TNS3: variants seen among roughly 807,000 people sequenced by gnomAD.
The protein encoded by TNS3 is tensin 3, also known as tensin-3.
In TNS3, 45 loss-of-function variants were observed where a neutral mutation model predicts 140.9. That is an observed-to-expected ratio of 0.32 (90% confidence interval 0.25 to 0.41). TNS3 has a LOEUF of 0.41. TNS3 is among the 10% of genes least tolerant of loss of function. The pLI is 1.00. For missense variants in TNS3, 1,716 were observed against 1,906.7 expected (o/e 0.90, Z 1.86); for synonymous variants, 815 against 788.4 (o/e 1.03, Z -0.56).
rs1562675048 is a variant in TNS3 at position 47,389,069 on chromosome 7, GA to G, written c.1024+7730del. Among the ~76,000 whole-genome samples, 43 of 68,644 alleles carry G rather than the reference GA, an allele frequency of 6.3e-4. 3 individuals are homozygous for G. Among genetic ancestry groups the G allele is most frequent in the African/African-American group, 2.8e-3 (41 of 14,868 alleles). 45.0% of individuals were successfully genotyped at this position (68,644 alleles called of 152,430 possible). Reference sequence around the variant, plus strand: ...AGAAGAAGAAGAAGAAGAAGAAGAAGAAGAAGAAGAAGAAGAGGAAGAGGAA... The same window carrying G: ...AGAAGAAGAAGAAGAAGAAGAAGAAGAGAAGAAGAAGAAGAGGAAGAGGAA... On this transcript the variant is annotated intron_variant, in intron 16 of 30. Coordinates refer to ENST00000311160, the MANE Select transcript of TNS3 (RefSeq NM_022748.12).
At chr7:47,388,161 G>A (rs765135254) in intron 16 of TNS3, among the ~76,000 whole-genome samples, 38 of 152,206 alleles carry the variant, frequency 2.5e-4, no homozygotes, top group Non-Finnish European at 5.0e-4. Context: ...TGACTGAGAT[G>A]TGACTTAGAA....
At chr7:47,405,452 A>G (rs1012580187) in intron 13 of TNS3, 1 of 699,516 alleles carries the variant, frequency 1.4e-6, no homozygotes, top group African/African-American at 1.8e-5. Flanking sequence ...TTAGATAGCT[A>G]AGCCCCATAG....
intron 1 of TNS3, among the ~76,000 whole-genome samples, chr7:47,575,982 T>C (rs1242684545): frequency 1.3e-5 from 2 of 152,044 alleles, no homozygotes; most frequent in Non-Finnish European, 2.9e-5. Context: ...CTGTCTCCCT[T>C]AGCACCTACC....
chr7:47,495,319 C>T (rs1308257691), intron 3 of TNS3, among the ~76,000 whole-genome samples: 1 of 152,310 alleles, frequency 6.6e-6, no homozygotes, highest in Middle Eastern at 3.4e-3. Flanking sequence ...GCTTCAGTGC[C>T]GCACATCAAC....
At chr7:47,289,349 T>A (rs1208383494) in intron 27 of TNS3, among the ~76,000 whole-genome samples, 1 of 152,152 alleles carries the variant, frequency 6.6e-6, no homozygotes, top group Non-Finnish European at 1.5e-5. Flanking sequence ...ATGAAAAACT[T>A]AAAACAGTTT....
At chr7:47,404,854 A>C (rs1793356615) in intron 13 of TNS3, among the ~76,000 whole-genome samples, 1 of 152,084 alleles carries the variant, frequency 6.6e-6, no homozygotes, top group African/African-American at 2.4e-5. Flanking sequence ...ACTGTACTCC[A>C]GCCTGGGTGA....
At chr7:47,325,568 G>C (rs1057261041) in intron 20 of TNS3, among the ~76,000 whole-genome samples, 2 of 152,176 alleles carry the variant, frequency 1.3e-5, no homozygotes, top group Admixed American at 1.3e-4. Context: ...GCAATGGGAC[G>C]GAGCAAGAAG....
rs188469137 is a variant in TNS3, at chr7:47,400,971, G to A, written c.724-57C>T. On this transcript the variant is annotated intron_variant, in intron 13 of 30. Transcript: ENST00000311160. ...GCTGCAGCGGGGGACACACGTTCCC[G>A]GCAAGGAACACACTCCGCGGAGGCC... 733 of 1,606,506 alleles carry A rather than the reference G, an allele frequency of 4.6e-4. 8 individuals are homozygous for A. In the East Asian group the frequency reaches 0.012, roughly 27 times the overall value.
At chr7:47,460,694 T>C (rs1365122620) in intron 4 of TNS3, among the ~76,000 whole-genome samples, 3 of 152,242 alleles carry the variant, frequency 2.0e-5, no homozygotes, top group Non-Finnish European at 4.4e-5. Flanking sequence ...CGTGGAAACG[T>C]TGCCTCCTCC....
chr7:47,531,241 T>C (rs781538040), intron 1 of TNS3, among the ~76,000 whole-genome samples: 1 of 152,056 alleles, frequency 6.6e-6, no homozygotes, highest in Non-Finnish European at 1.5e-5. Flanking sequence ...CCTGCACATG[T>C]ACCCTGAATC....
Position 47,346,310 on chromosome 7 carries a change from G to A in TNS3, c.2328C>T (p.Ser776=). The part of the protein sequence containing the change: ...QPLGGRLRKL[S]LGQYDNDAGG... Reference sequence around the variant, plus strand: ...CAGCATCGTTGTCGTACTGCCCCAGGCTCAGCTTCCTGAGTCTCCCGCCCA... The same window carrying A: ...CAGCATCGTTGTCGTACTGCCCCAGACTCAGCTTCCTGAGTCTCCCGCCCA... The change falls in exon 18 of 31, where the codon AGC becomes AGT. Residue 776 remains serine (S), a synonymous_variant. Transcript: ENST00000311160. 6.2e-7 allele frequency: 1 copy of A among 1,614,212 alleles called. No homozygotes were observed. The highest frequency in any genetic ancestry group is 8.5e-7 in the Non-Finnish European group (1 of 1,180,042).
Position 47,502,274 on chromosome 7 carries a change from C to T in TNS3, c.-115+4633G>A, listed in dbSNP as rs551060572. ...CCCAGCAGGCCCGTATCCCACTGCA[C>T]GGCAGCTGCGGCTCTTAGCATGCAG... On this transcript the variant is annotated intron_variant, in intron 3 of 30. Transcript: ENST00000311160. Among the ~76,000 whole-genome samples, 4 of 152,250 alleles carry T rather than the reference C, an allele frequency of 2.6e-5. No individual in the cohort carries two copies. The South Asian group carries it at 6.2e-4, about 24-fold the overall frequency.
At chr7:47,447,666 C>G (rs1375249440) in intron 4 of TNS3, among the ~76,000 whole-genome samples, 1 of 152,148 alleles carries the variant, frequency 6.6e-6, no homozygotes, top group Non-Finnish European at 1.5e-5. Context: ...GTTCTCAGTC[C>G]CGCTGTGCCC....
At chr7:47,544,053 C>G (rs925805052) in intron 1 of TNS3, among the ~76,000 whole-genome samples, 1 of 152,218 alleles carries the variant, frequency 6.6e-6, no homozygotes, top group Non-Finnish European at 1.5e-5. Context: ...CTTCCCTCTT[C>G]TCTGCTCAAA....
At chr7:47,546,891 C>T (rs1322312932) in intron 1 of TNS3, among the ~76,000 whole-genome samples, 1 of 152,204 alleles carries the variant, frequency 6.6e-6, no homozygotes, top group East Asian at 1.9e-4. Flanking sequence ...ACAGGCGCTG[C>T]GGATGGAATG....
intron 20 of TNS3, among the ~76,000 whole-genome samples, chr7:47,322,213 CAAAAAAAAAAAA>C (rs759875153): frequency 6.0e-5 from 3 of 49,922 alleles, no homozygotes; most frequent in South Asian, 8.2e-4. Context: ...GTAGAACGGG[CAAAAAAAAAAAA>C]AAAAAAAAAA....
intron 20 of TNS3, among the ~76,000 whole-genome samples, chr7:47,305,299 C>T (rs943399952): frequency 6.6e-6 from 1 of 152,250 alleles, no homozygotes; most frequent in Non-Finnish European, 1.5e-5. Context: ...AGGAGATGCA[C>T]ATTGGGCCGC....
intron 11 of TNS3, among the ~76,000 whole-genome samples, chr7:47,414,204 AC>A (rs769637338): frequency 1.3e-5 from 2 of 152,128 alleles, no homozygotes; most frequent in Non-Finnish European, 2.9e-5. Context: ...ACACAGTTTG[AC>A]CTTTATCCAA....
At chr7:47,512,234 A>G (rs1430495188) in intron 2 of TNS3, among the ~76,000 whole-genome samples, 1 of 152,160 alleles carries the variant, frequency 6.6e-6, no homozygotes, top group African/African-American at 2.4e-5. Context: ...CACATGCATG[A>G]GCCCACTAAA....
Sources: gnomAD v4.1 joint callset for allele counts (sites outside exome capture counted in the v4.1 genomes callset) on GRCh38, gnomAD v4.1.1 for gene constraint, MANE v1.5 for transcripts, NCBI Gene and HGNC (gene_info 2026-07-23, HGNC 2026-07-21) for gene names.